The following AFG2B variants were observed in gnomAD, a reference collection of about 807,000 sequenced individuals.
AFG2B encodes the protein ATPase family gene 2 protein homolog B.
At chr15:45,402,709 C>T in the AFG2B span, 2 of 1,568,098 alleles carry the variant, frequency 1.3e-6, no homozygotes, top group East Asian at 2.3e-5. Context: ...CCGGAGGAGT[C>T]TCAGCCTGAA....
chr15:45,403,332 C>T, the AFG2B span: 2 of 1,604,226 alleles, frequency 1.2e-6, no homozygotes, highest in African/African-American at 2.7e-5. Context: ...GCCTCCTCTT[C>T]CTGGACGAGA....
At chr15:45,421,018 T>G in the AFG2B span, 11 of 1,597,526 alleles carry the variant, frequency 6.9e-6, no homozygotes, top group Admixed American at 9.1e-5. Context: ...AAAGAAATTG[T>G]TTTCTATTGC....
the AFG2B span, chr15:45,402,670 C>T: frequency 1.5e-5 from 23 of 1,577,692 alleles, 1 homozygote; most frequent in South Asian, 2.3e-4. Flanking sequence ...GTGCGCGAGC[C>T]CCGGGGCGGC....
At chr15:45,412,269 C>T in the AFG2B span, among the ~76,000 whole-genome samples, 7 of 152,020 alleles carry the variant, frequency 4.6e-5, no homozygotes, top group South Asian at 2.1e-4. Context: ...GGTGTGGTGG[C>T]GCAAGCCTGT....
chr15:45,403,764 A>G, the AFG2B span, among the ~76,000 whole-genome samples: 1 of 152,190 alleles, frequency 6.6e-6, no homozygotes, highest in African/African-American at 2.4e-5. Flanking sequence ...CTGTTTCCCC[A>G]GAGTCTAATT....
At chr15:45,415,039 G>C in the AFG2B span, among the ~76,000 whole-genome samples, 7 of 151,772 alleles carry the variant, frequency 4.6e-5, no homozygotes, top group Admixed American at 4.6e-4. Context: ...TATATCTATA[G>C]CTTTATCCTG....
the AFG2B span, among the ~76,000 whole-genome samples, chr15:45,406,104 T>TA: frequency 6.6e-6 from 1 of 152,198 alleles, no homozygotes; most frequent in African/African-American, 2.4e-5. Context: ...GCAGACATAA[T>TA]ACTTGTACTT....
the AFG2B span, chr15:45,421,203 G>T: frequency 2.5e-6 from 4 of 1,597,466 alleles, no homozygotes; most frequent in South Asian, 1.1e-5. Flanking sequence ...AACGTGGAAG[G>T]TATTTAAAAA....
At chr15:45,410,611 GAA>G in the AFG2B span, 1 of 1,349,774 alleles carries the variant, frequency 7.4e-7, no homozygotes, top group Non-Finnish European at 1.0e-6. Flanking sequence ...ATACTGCGCT[GAA>G]ACTGCTCTTG....
chr15:45,414,845 A>G, the AFG2B span: 1 of 1,404,222 alleles, frequency 7.1e-7, no homozygotes, highest in East Asian at 2.4e-5. Flanking sequence ...TTATGGACAA[A>G]CCTTTTTAAA....
At chr15:45,410,581 T>C in the AFG2B span, 61 of 1,523,168 alleles carry the variant, frequency 4.0e-5, no homozygotes, top group African/African-American at 8.3e-4. Context: ...ATTAACATTC[T>C]GTGCATTTAT....
chr15:45,403,625 G>A, the AFG2B span: 1 of 1,425,062 alleles, frequency 7.0e-7, no homozygotes. Context: ...GCATCGGTGA[G>A]GTTGGAGTTG....
the AFG2B span, among the ~76,000 whole-genome samples, chr15:45,419,922 C>G: frequency 6.5e-5 from 9 of 138,410 alleles, no homozygotes; most frequent in Non-Finnish European, 1.1e-4. Context: ...GCCTGGAGGT[C>G]AAGGCTGTAG....
chr15:45,406,403 A>G, the AFG2B span, among the ~76,000 whole-genome samples: 5 of 152,192 alleles, frequency 3.3e-5, no homozygotes, highest in Non-Finnish European at 5.9e-5. Flanking sequence ...TCCATTGTCA[A>G]GATACCGTTT....
chr15:45,421,205 A>G, the AFG2B span: 1 of 1,597,326 alleles, frequency 6.3e-7, no homozygotes, highest in Non-Finnish European at 8.5e-7. Flanking sequence ...CGTGGAAGGT[A>G]TTTAAAAATC....
the AFG2B span, chr15:45,417,184 T>A: frequency 6.6e-7 from 1 of 1,517,412 alleles, no homozygotes; most frequent in Non-Finnish European, 8.9e-7. Context: ...CCTATTTGAA[T>A]TTAAATAGAC....
chr15:45,402,907 G>GTGGC, the AFG2B span: 6 of 1,598,246 alleles, frequency 3.8e-6, no homozygotes, highest in Non-Finnish European at 5.1e-6. Context: ...TCCTGGCCTG[G>GTGGC]TGGCTGCCTT....
chr15:45,402,493 A>G, the AFG2B span: 6 of 1,609,720 alleles, frequency 3.7e-6, no homozygotes, highest in Non-Finnish European at 5.1e-6. Flanking sequence ...CTTAGACGCT[A>G]GAGACCGGGG....
the AFG2B span, among the ~76,000 whole-genome samples, chr15:45,405,708 C>A: frequency 6.6e-6 from 1 of 152,116 alleles, no homozygotes; most frequent in Non-Finnish European, 1.5e-5. Context: ...TCTGGGTCTA[C>A]TGAGTGAATT....
Sources: gnomAD v4.1 joint callset for allele counts (sites outside exome capture counted in the v4.1 genomes callset) on GRCh38, gnomAD v4.1.1 for gene constraint, MANE v1.5 for transcripts, NCBI Gene and HGNC (gene_info 2026-07-23, HGNC 2026-07-21) for gene names.